The following AK8 variants were observed in gnomAD, a reference collection of about 807,000 sequenced individuals.
AK8 encodes ATP-AMP transphosphorylase 8.
AK8 carries 44 observed loss-of-function variants against 54.6 expected under a neutral mutation model. That is an observed-to-expected ratio of 0.81 (90% CI 0.63 to 1.04). The LOEUF (loss-of-function observed/expected upper bound fraction) is 1.04, where lower values mean the gene tolerates loss of function less well. Among genes scored for constraint, AK8 ranks in the 50% least tolerant of loss-of-function variants. The pLI, the probability that AK8 is intolerant of heterozygous loss-of-function variation, is 0.00. For missense variants in AK8, 555 were observed against 613.6 expected (o/e 0.90, Z 1.01); for synonymous variants, 239 against 245.6 (o/e 0.97, Z 0.25).
At chr9:132,831,932 C>T (rs540530773) in intron 5 of AK8, among the ~76,000 whole-genome samples, 1 of 151,890 alleles carries the variant, frequency 6.6e-6, no homozygotes, top group Non-Finnish European at 1.5e-5. Context: ...CGCGTTGGTG[C>T]ACACCTGTAA....
chr9:132,774,998 C>A lies in AK8; in HGVS notation c.1121+17636G>T, dbSNP rs538571149. 1.7e-4 allele frequency among the ~76,000 whole-genome samples: 26 copies of A among 152,284 alleles called. No individual in the cohort carries two copies. In the East Asian group the frequency reaches 4.8e-3, roughly 28 times the overall value. ...ACCTTAAAGGTAGGCAAAGAGAAGT[C>A]TTTTCAGGAGGGGAAATTTCCTGCC... is the stretch of plus-strand genomic sequence containing the variant. On this transcript the variant is annotated intron_variant, in intron 11 of 12. Transcript: ENST00000298545.
intron 1 of AK8, chr9:132,877,876 G>A (rs1394481232): frequency 1.5e-6 from 1 of 671,924 alleles, no homozygotes; most frequent in East Asian, 3.1e-5. Flanking sequence ...GAAAAGGAAA[G>A]GACTGGTTCC....
rs1016822607 is a variant in AK8, at chr9:132,803,787, CT to C, written c.979+10850del. Among the ~76,000 whole-genome samples the C allele has an allele frequency of 1.1e-4, 16 of 152,260 alleles. No individual in the cohort carries two copies. Among genetic ancestry groups the C allele is most frequent in the Admixed American group, 9.2e-4 (14 of 15,298 alleles). On this transcript the variant is annotated intron_variant, in intron 10 of 12. Coordinates refer to ENST00000298545, the MANE Select transcript of AK8 (RefSeq NM_152572.3). The surrounding 1 kb of genome is among the most constrained non-coding windows in gnomAD (Gnocchi z 4.4). Reference sequence around the variant, plus strand: ...AATCCTTCAGGCTGCATGCTGCCCCCTGTGACCTGTCTCCTCTTTGTTCCTT... The same window carrying C: ...AATCCTTCAGGCTGCATGCTGCCCCCGTGACCTGTCTCCTCTTTGTTCCTT...
In AK8 at chr9:132,803,432, G is replaced by A. The variant is rs1463298713; in HGVS notation, c.980-10657C>T. ...ATTCACACCCGACAGGACTTGCTGTGAGTACCATTACTACCACTAAGATGA... is the reference window on the plus strand; with the variant it reads ...ATTCACACCCGACAGGACTTGCTGTAAGTACCATTACTACCACTAAGATGA... On this transcript the variant is annotated intron_variant, in intron 10 of 12. Coordinates refer to ENST00000298545, the MANE Select transcript of AK8 (RefSeq NM_152572.3). The surrounding 1 kb of genome is among the most constrained non-coding windows in gnomAD (Gnocchi z 4.4). Among the ~76,000 whole-genome samples the A allele has an allele frequency of 6.6e-6, 1 of 152,130 alleles. No homozygotes were observed. Among genetic ancestry groups the A allele is most frequent in the Non-Finnish European group, 1.5e-5 (1 of 68,040 alleles).
At chr9:132,845,192 T>C (rs1476145344) in intron 5 of AK8, among the ~76,000 whole-genome samples, 1 of 152,228 alleles carries the variant, frequency 6.6e-6, no homozygotes, top group Admixed American at 6.5e-5. Flanking sequence ...ACCAGGCGCG[T>C]AGACTACAGC....
At chr9:132,782,723 G>T (rs1451511516) in intron 11 of AK8, among the ~76,000 whole-genome samples, 1 of 152,114 alleles carries the variant, frequency 6.6e-6, no homozygotes, top group Non-Finnish European at 1.5e-5. Flanking sequence ...CTATGCAACT[G>T]ATGCTGTGAC....
In AK8 at chr9:132,781,441, A is replaced by G. The variant is rs1329850893; in HGVS notation, c.1121+11193T>C. Among the ~76,000 whole-genome samples the G allele has an allele frequency of 6.6e-6, 1 of 152,180 alleles. No homozygotes were observed. Among genetic ancestry groups the G allele is most frequent in the Non-Finnish European group, 1.5e-5 (1 of 68,028 alleles). On this transcript the variant is annotated intron_variant, in intron 11 of 12. Transcript: ENST00000298545. The surrounding 1 kb of genome is among the most constrained non-coding windows in gnomAD (Gnocchi z 4.6). ...TCTAAGAAGAGATTTATATTTGACAAGGAGACAATAGCTTTGTTTTCTGAT... is the reference window on the plus strand; with the variant it reads ...TCTAAGAAGAGATTTATATTTGACAGGGAGACAATAGCTTTGTTTTCTGAT...
intron 10 of AK8, among the ~76,000 whole-genome samples, chr9:132,793,324 T>C (rs215193): frequency 0.029 from 4,362 of 152,242 alleles, 215 homozygotes; most frequent in African/African-American, 0.097. Context: ...CTAACACCAT[T>C]GTCTTGGGGA....
In AK8 at chr9:132,878,004, G is replaced by C. The variant is rs1455109479; in HGVS notation, c.84+168C>G. Reference sequence around the variant, plus strand: ...GCAGGACCAGGAGCGTCCCCAGCTCGAGGGCCCCCTCGGGGTCACGGCGAC... The same window carrying C: ...GCAGGACCAGGAGCGTCCCCAGCTCCAGGGCCCCCTCGGGGTCACGGCGAC... On this transcript the variant is annotated intron_variant, in intron 1 of 12. Coordinates refer to ENST00000298545, the MANE Select transcript of AK8 (RefSeq NM_152572.3). The surrounding 1 kb of genome is among the most constrained non-coding windows in gnomAD (Gnocchi z 4.7). 1.6e-5 allele frequency: 24 copies of C among 1,507,338 alleles called. No individual in the cohort carries two copies. The highest frequency in any genetic ancestry group is 1.9e-5 in the Non-Finnish European group (21 of 1,114,724). 93.4% of individuals were successfully genotyped at this position (1,507,338 alleles called of 1,614,324 possible). A position where few individuals can be genotyped will look rare whatever the true frequency, so the allele number is the denominator to read the frequency against.
chr9:132,779,352 C>T (rs1179108254), intron 11 of AK8, among the ~76,000 whole-genome samples: 3 of 152,224 alleles, frequency 2.0e-5, no homozygotes, highest in African/African-American at 7.2e-5. Context: ...GACAAGGTCT[C>T]CTTCTGTCAC....
chr9:132,878,633 T>G, upstream of AK8: 1 of 1,040,070 alleles, frequency 9.6e-7, no homozygotes. This position sits in a 1 kb window ranked among gnomAD's most constrained non-coding sequence, Gnocchi z 4.7. Context: ...CCCGGCTCCC[T>G]GTGCCTCAGT....
At chr9:132,812,654 C>A (rs1431979935) in intron 10 of AK8, among the ~76,000 whole-genome samples, 4 of 148,202 alleles carry the variant, frequency 2.7e-5, no homozygotes, top group African/African-American at 9.9e-5. Flanking sequence ...GACGACCTTG[C>A]AGGAAGGGAC....
At chr9:132,848,578 G>C (rs549260972) in intron 5 of AK8, among the ~76,000 whole-genome samples, 3 of 152,242 alleles carry the variant, frequency 2.0e-5, no homozygotes, top group East Asian at 3.9e-4. Context: ...GAGGCTTCAG[G>C]AATCACTTGA....
At chr9:132,819,684 T>C (rs1841491606) in intron 9 of AK8, among the ~76,000 whole-genome samples, 1 of 152,210 alleles carries the variant, frequency 6.6e-6, no homozygotes, top group Non-Finnish European at 1.5e-5. Context: ...TAATCGATAT[T>C]ATAGAACACT....
At chr9:132,798,533 G>A (rs1047167928) in intron 10 of AK8, among the ~76,000 whole-genome samples, 1 of 152,158 alleles carries the variant, frequency 6.6e-6, no homozygotes, top group Admixed American at 6.5e-5. Flanking sequence ...GATGCCTCAG[G>A]CTTGATTTCT....
intron 11 of AK8, among the ~76,000 whole-genome samples, chr9:132,729,382 G>A (rs577652612): frequency 1.3e-5 from 2 of 152,282 alleles, no homozygotes; most frequent in Non-Finnish European, 2.9e-5. Flanking sequence ...GAGGAGCCCT[G>A]CCTGGGACAG....
chr9:132,875,710 C>G (rs1176661962), intron 1 of AK8, among the ~76,000 whole-genome samples: 1 of 152,198 alleles, frequency 6.6e-6, no homozygotes, highest in Admixed American at 6.5e-5. Flanking sequence ...TGTTCCACGC[C>G]TCACCCTGTC....
intron 11 of AK8, among the ~76,000 whole-genome samples, chr9:132,786,128 C>A (rs1839699870): frequency 6.6e-6 from 1 of 152,190 alleles, no homozygotes; most frequent in Non-Finnish European, 1.5e-5. Flanking sequence ...GAGAATCAAC[C>A]TCATCTTCCC....
chr9:132,777,764 T>C (rs1234704999), intron 11 of AK8, among the ~76,000 whole-genome samples: 2 of 152,154 alleles, frequency 1.3e-5, no homozygotes, highest in Non-Finnish European at 2.9e-5. Flanking sequence ...CAGGAAGCTC[T>C]GCGAGCAAGG....
Sources: gnomAD v4.1 joint callset for allele counts (sites outside exome capture counted in the v4.1 genomes callset) on GRCh38, gnomAD v4.1.1 for gene constraint, Gnocchi (gnomAD v3.1) non-coding constraint, MANE v1.5 for transcripts, NCBI Gene and HGNC (gene_info 2026-07-23, HGNC 2026-07-21) for gene names.